The following IL21 variants were observed in gnomAD, a reference collection of about 807,000 sequenced individuals.
IL21 encodes the protein interleukin 21.
Under a neutral mutation model 18.4 loss-of-function variants are expected in IL21, and 3 were observed. The ratio of observed to expected loss-of-function variants is 0.16; its 90% confidence interval spans 0.07 to 0.42. The LOEUF is 0.42. Among genes scored for constraint, IL21 ranks in the 10% least tolerant of loss-of-function variants. The pLI is 0.99. For synonymous variants in IL21, 37 were observed against 62.0 expected (o/e 0.60, Z 1.90); for missense variants, 130 against 188.4 (o/e 0.69, Z 1.81).
At chr4:122,619,259 T>C (rs1799388579) in intron 2 of IL21, 1 of 152,232 alleles carries the variant, frequency 6.6e-6, no homozygotes, top group Non-Finnish European at 1.5e-5. Context: ...CTTGATATAA[T>C]GCTAATGTGA....
rs953345644 is a variant in IL21, at chr4:122,612,000, A to T, written c.*710T>A. Among the ~76,000 whole-genome samples the T allele has an allele frequency of 3.9e-5, 6 of 152,098 alleles. No homozygotes were observed. The highest frequency in any genetic ancestry group is 8.8e-5 in the Non-Finnish European group (6 of 67,968). On this transcript the variant is annotated 3_prime_UTR_variant, in exon 5 of 5. Transcript: ENST00000648588. ...TTCCACAAGCTTAAAATGTTAGCTT[A>T]TAAGGGGACTGGGGGCTGGAGGAAG...
chr4:122,617,057 A>G (rs952444401), intron 2 of IL21, among the ~76,000 whole-genome samples: 9 of 152,140 alleles, frequency 5.9e-5, no homozygotes, highest in Non-Finnish European at 1.3e-4. Context: ...TGCTTACCCA[A>G]TATGAATGTA....
At chr4:122,618,804 CAAAAAA>C (rs1158779760) in intron 2 of IL21, among the ~76,000 whole-genome samples, 1 of 32,588 alleles carries the variant, frequency 3.1e-5, no homozygotes, top group Non-Finnish European at 6.0e-5. Context: ...GACTCCGTCT[CAAAAAA>C]AAAAAAAAAA....
intron 3 of IL21, 144 bp downstream of exon 3, chr4:122,615,538 A>G: frequency 1.5e-6 from 1 of 682,774 alleles, no homozygotes; most frequent in Admixed American, 3.2e-5. Flanking sequence ...AAAAAAAAAA[A>G]AAAAAGCACC....
chr4:122,615,565 A>C lies in IL21; in HGVS notation c.360+117T>G. 3.4e-6 allele frequency: 3 copies of C among 881,996 alleles called. No homozygotes were observed. In the South Asian group the frequency reaches 5.4e-5, roughly 16 times the overall value. The allele number at this position is 881,996 out of a possible 1,614,324, so 54.6% of individuals were successfully genotyped here. ...AAAAGCACCATGTATAATAAGGCATAACTATAGGTAAGGAAGACACCAGCA... is the reference window on the plus strand; with the variant it reads ...AAAAGCACCATGTATAATAAGGCATCACTATAGGTAAGGAAGACACCAGCA... On this transcript the variant is annotated intron_variant, in intron 3 of 4. Transcript: ENST00000648588.
chr4:122,615,433 G>A (rs1799322966), intron 3 of IL21, among the ~76,000 whole-genome samples: 1 of 152,002 alleles, frequency 6.6e-6, no homozygotes, highest in Admixed American at 6.5e-5. Context: ...GCTGAGGTAG[G>A]AGGAGAATGG....
At chr4:122,616,589 A>G (rs1186727324) in intron 2 of IL21, among the ~76,000 whole-genome samples, 1 of 152,242 alleles carries the variant, frequency 6.6e-6, no homozygotes, top group Non-Finnish European at 1.5e-5. Context: ...TGAGACGGAA[A>G]GTCATTTCTT....
In IL21 at chr4:122,620,824, T is replaced by G. The variant is rs1416236162; in HGVS notation, c.168+20A>C. ...TTGAAAAGTATGATTTAGATTTTGT[T>G]GTGACAAATATAGTCTTACCAAGTC... On this transcript the variant is annotated intron_variant, in intron 1 of 4. Coordinates refer to ENST00000648588, the MANE Select transcript of IL21 (RefSeq NM_021803.4). 2.5e-6 allele frequency: 4 copies of G among 1,612,946 alleles called. No homozygotes were observed. In the African/African-American group the frequency reaches 5.3e-5, roughly 22 times the overall value.
At chr4:122,616,941 C>T (rs1337135049) in intron 2 of IL21, among the ~76,000 whole-genome samples, 4 of 152,164 alleles carry the variant, frequency 2.6e-5, no homozygotes, top group African/African-American at 9.7e-5. Flanking sequence ...TCAATCCCTC[C>T]CAGTCCCTAC....
At chr4:122,613,218 T>TC (rs920627532) in intron 3 of IL21, among the ~76,000 whole-genome samples, 2 of 151,768 alleles carry the variant, frequency 1.3e-5, no homozygotes, top group African/African-American at 2.4e-5. Flanking sequence ...TTTTTTTTTT[T>TC]CACACTTAAC....
chr4:122,619,992 G>A (rs1460931150), intron 2 of IL21: 1 of 152,182 alleles, frequency 6.6e-6, no homozygotes, highest in East Asian at 1.9e-4. Context: ...AGATCAGATC[G>A]TAGAAGTTAC....
At chr4:122,615,896 G>T in intron 2 of IL21, 59 bp from the exon 3 acceptor site, 1 of 1,405,980 alleles carries the variant, frequency 7.1e-7, no homozygotes, top group Non-Finnish European at 9.8e-7. Flanking sequence ...GTAAAAGATA[G>T]CTTTCCCAAT....
intron 2 of IL21, among the ~76,000 whole-genome samples, chr4:122,617,365 A>G (rs1799351025): frequency 6.6e-6 from 1 of 152,168 alleles, no homozygotes; most frequent in Non-Finnish European, 1.5e-5. Flanking sequence ...AATAATATTC[A>G]TATTTAAAGA....
Position 122,612,607 on chromosome 4 carries a change from TCCCATCG to T in IL21, c.*96_*102del. On this transcript the variant is annotated 3_prime_UTR_variant, in exon 5 of 5. Coordinates refer to ENST00000648588, the MANE Select transcript of IL21 (RefSeq NM_021803.4). Reference sequence around the variant, plus strand: ...CTTTGCACACTTATGAGTTTTTTTTTCCCATCGCTAATATATTGTACTCCTCCACTTG... The same window carrying T: ...CTTTGCACACTTATGAGTTTTTTTTTCTAATATATTGTACTCCTCCACTTG... 1 of 813,170 alleles carries T rather than the reference TCCCATCG, an allele frequency of 1.2e-6. No homozygotes were observed. Among genetic ancestry groups the T allele is most frequent in the Admixed American group, 2.1e-5 (1 of 48,660 alleles). 50.4% of individuals were successfully genotyped at this position (813,170 alleles called of 1,614,324 possible). A position where few individuals can be genotyped will look rare whatever the true frequency, so the allele number is the denominator to read the frequency against.
chr4:122,614,446 C>T (rs1799309186), intron 3 of IL21, among the ~76,000 whole-genome samples: 1 of 142,298 alleles, frequency 7.0e-6, no homozygotes, highest in Non-Finnish European at 1.6e-5. Context: ...ATGGCTAACA[C>T]CTGTAATCCC....
intron 2 of IL21, among the ~76,000 whole-genome samples, chr4:122,616,258 G>A (rs1237869253): frequency 1.3e-5 from 2 of 152,178 alleles, no homozygotes; most frequent in Non-Finnish European, 2.9e-5. Context: ...TCATTTGTTT[G>A]TGGTTTCTGT....
chr4:122,614,398 G>A (rs149830020), intron 3 of IL21, among the ~76,000 whole-genome samples: 4 of 152,058 alleles, frequency 2.6e-5, no homozygotes, highest in African/African-American at 9.6e-5. Flanking sequence ...GTTTTTGGAG[G>A]CAAAAGAACT....
At position 122,615,792 on chromosome 4, in the gene IL21, G is replaced by A. The variant is rs533564661; in HGVS notation, c.250C>T (p.Leu84=). ...SAFSCFQKAQ[L]KSANTGNNER... is the part of the protein sequence containing the mutation. ...TTGTTTCCTGTATTTGCTGACTTTA[G>A]TTGGGCCTTCTGAAAGCAGGAAAAA... The change falls in exon 3 of 5, where the codon CTA becomes TTA. Residue 84 remains leucine, a synonymous_variant. Coordinates refer to ENST00000648588, the MANE Select transcript of IL21 (RefSeq NM_021803.4). 2.5e-6 allele frequency: 4 copies of A among 1,613,474 alleles called. No individual in the cohort carries two copies. The highest frequency in any genetic ancestry group is 3.4e-6 in the Non-Finnish European group (4 of 1,179,676).
rs1799267187 is a variant in IL21 at position 122,611,906 on chromosome 4, ACT to A, written c.*802_*803del. ...AACAGTTTGAGAAGAGAGCTACAAT[ACT>A]TTTAAAACTATGTTTGGTTCCAGAA... On this transcript the variant is annotated 3_prime_UTR_variant, in exon 5 of 5. Coordinates refer to ENST00000648588, the MANE Select transcript of IL21 (RefSeq NM_021803.4). Among the ~76,000 whole-genome samples, 6 of 152,242 alleles carry A rather than the reference ACT, an allele frequency of 3.9e-5. No individual in the cohort carries two copies. The highest frequency in any genetic ancestry group is 1.4e-4 in the African/African-American group (6 of 41,558).
Sources: gnomAD v4.1 joint callset for allele counts (sites outside exome capture counted in the v4.1 genomes callset) on GRCh38, gnomAD v4.1.1 for gene constraint, MANE v1.5 for transcripts, NCBI Gene and HGNC (gene_info 2026-07-23, HGNC 2026-07-21) for gene names.